Variants in NLRP3 observed in about 807,000 individuals in gnomAD.
NLRP3 encodes the protein NACHT, LRR and PYD domains-containing protein 3.
NLRP3 carries 48 observed loss-of-function variants against 91.3 expected under a neutral mutation model. That is an observed-to-expected ratio of 0.53 (90% CI 0.42 to 0.67). The LOEUF (loss-of-function observed/expected upper bound fraction) is 0.67, where lower values mean the gene tolerates loss of function less well. Ranked by LOEUF, NLRP3 falls within the 30% of genes least tolerant of loss-of-function variation. The pLI is 0.00. For missense variants in NLRP3, 982 were observed against 1,276.9 expected, an observed-to-expected ratio of 0.77 and a Z score of 3.52; for synonymous variants, 561 against 507.9, an observed-to-expected ratio of 1.10 and a Z score of -1.41.
rs529074775 is a variant in NLRP3, at chr1:247,429,040, G to A, written c.2151-545G>A. Among the ~76,000 whole-genome samples, 8 of 151,950 alleles carry A rather than the reference G, an allele frequency of 5.3e-5. No individual in the cohort carries two copies. In the South Asian group the frequency reaches 1.7e-3, roughly 32 times the overall value. On this transcript the variant is annotated intron_variant, in intron 4 of 9. Coordinates refer to ENST00000336119, the MANE Select transcript of NLRP3 (RefSeq NM_001243133.2). ...CCCTAATAGCTGGGATGACAGGCTCGTGCCACCACACCCAATTAATTTTTG... is the reference window on the plus strand; with the variant it reads ...CCCTAATAGCTGGGATGACAGGCTCATGCCACCACACCCAATTAATTTTTG...
At chr1:247,436,752 T>A (rs1663816784) in intron 7 of NLRP3, among the ~76,000 whole-genome samples, 1 of 152,226 alleles carries the variant, frequency 6.6e-6, no homozygotes, top group Non-Finnish European at 1.5e-5. Flanking sequence ...CTGATTTCCT[T>A]GTTTTTTTTG....
Position 247,424,558 on chromosome 1 carries a change from G to C in NLRP3, c.1109G>C (p.Gly370Ala), listed in dbSNP as rs1473588642. ...LDHPRHVEIL[G>A]FSEAKRKEYF... Reference sequence around the variant, plus strand: ...CATCCTCGGCATGTGGAGATCCTGGGTTTCTCCGAGGCCAAAAGGAAAGAG... The same window carrying C: ...CATCCTCGGCATGTGGAGATCCTGGCTTTCTCCGAGGCCAAAAGGAAAGAG... Residue 370 changes from glycine to alanine, a missense_variant, in exon 4 of 10, where the codon GGT becomes GCT. Gly to Ala is a moderately conservative substitution (Grantham distance 60). This residue lies in a region of NLRP3 where 548 missense variants were observed against 713.7 expected (regional missense o/e 0.77). Coordinates refer to ENST00000336119, the MANE Select transcript of NLRP3 (RefSeq NM_001243133.2). This position sits in a 1 kb window ranked among gnomAD's most constrained non-coding sequence, Gnocchi z 8.1. 1 of 1,614,012 alleles carries C rather than the reference G, an allele frequency of 6.2e-7. No homozygotes were observed. The highest frequency in any genetic ancestry group is 8.5e-7 in the Non-Finnish European group (1 of 1,180,034).
chr1:247,423,753 G>T (rs1216292081), intron 3 of NLRP3, 94 bp from the exon 4 acceptor site: 2 of 1,126,354 alleles, frequency 1.8e-6, no homozygotes, highest in East Asian at 5.0e-5. Flanking sequence ...CTCCATTCCG[G>T]TTACCACTCG....
chr1:247,443,983 C>G lies in NLRP3; in HGVS notation c.2675C>G (p.Ser892Cys). ...CNLQKLGLVN[S>C]GLTSVCCSAL... ...CTGTCCTTCTACAGGTTGGTGAATT[C>G]TGGCCTTACGTCAGTCTGTTGTTCA... The change falls in exon 8 of 10, where the codon TCT (serine) becomes TGT (cysteine). Residue 892 changes from serine to cysteine, a missense_variant. By Grantham distance (112) the Ser-to-Cys change is moderately radical. This residue lies in a region of NLRP3 where 373 missense variants were observed against 431.5 expected (regional missense o/e 0.86). Coordinates refer to ENST00000336119, the MANE Select transcript of NLRP3 (RefSeq NM_001243133.2). The G allele has an allele frequency of 6.2e-7, 1 of 1,614,084 alleles. No individual in the cohort carries two copies. Among genetic ancestry groups the G allele is most frequent in the Non-Finnish European group, 8.5e-7 (1 of 1,179,992 alleles).
intron 7 of NLRP3, among the ~76,000 whole-genome samples, chr1:247,437,005 T>C (rs1424750522): frequency 1.3e-5 from 2 of 152,192 alleles, no homozygotes; most frequent in Non-Finnish European, 2.9e-5. Flanking sequence ...CATAACTTTG[T>C]CCAAGGACAC....
At chr1:247,431,987 C>CT (rs1216063458) in intron 5 of NLRP3, among the ~76,000 whole-genome samples, 4 of 152,166 alleles carry the variant, frequency 2.6e-5, no homozygotes, top group Admixed American at 1.3e-4. Context: ...CAACATCCAC[C>CT]TCCTGGGTTC....
In NLRP3 at chr1:247,418,844, T is replaced by A; in HGVS notation, c.44T>A (p.Leu15Gln). The A allele has an allele frequency of 6.2e-7, 1 of 1,614,120 alleles. No individual in the cohort carries two copies. The highest frequency in any genetic ancestry group is 8.5e-7 in the Non-Finnish European group (1 of 1,180,026). The change falls in exon 2 of 10, where the codon CTG (leucine) becomes CAG (glutamine). Residue 15 changes from leucine to glutamine, a missense_variant. By Grantham distance (113) the Leu-to-Gln change is moderately radical (BLOSUM62 -2). This residue lies in a region of NLRP3 where 548 missense variants were observed against 713.7 expected (regional missense o/e 0.77). Transcript: ENST00000336119. The part of the protein sequence containing the change: ...RCKLARYLED[L>Q]EDVDLKKFKM... ...AAGCTGGCCAGGTACCTGGAGGACC[T>A]GGAGGATGTGGACTTGAAGAAATTT... is the stretch of plus-strand genomic sequence containing the variant.
chr1:247,430,119 G>T (rs1192994669), intron 5 of NLRP3, among the ~76,000 whole-genome samples: 1 of 151,994 alleles, frequency 6.6e-6, no homozygotes, highest in Non-Finnish European at 1.5e-5. Context: ...CAGGTGATCC[G>T]CCCGCCTCGG....
chr1:247,447,039 C>T (rs1572235855), intron 9 of NLRP3, among the ~76,000 whole-genome samples: 5 of 152,250 alleles, frequency 3.3e-5, no homozygotes, highest in Admixed American at 3.3e-4. Context: ...CATTCTGGAC[C>T]CAGGCTGAGG....
At chr1:247,446,504 C>T (rs187451096) in intron 9 of NLRP3, among the ~76,000 whole-genome samples, 1 of 152,308 alleles carries the variant, frequency 6.6e-6, no homozygotes, top group East Asian at 1.9e-4. Flanking sequence ...ACAGTGATCT[C>T]CTTGCTGTTT....
At chr1:247,433,236 G>GAAAAAT (rs1231165054) in intron 5 of NLRP3, among the ~76,000 whole-genome samples, 1 of 151,964 alleles carries the variant, frequency 6.6e-6, no homozygotes, top group Non-Finnish European at 1.5e-5. Context: ...AAAAGAAAAA[G>GAAAAAT]AATCAGAGCT....
chr1:247,435,643 G>A (rs77479958), intron 6 of NLRP3, among the ~76,000 whole-genome samples: 2 of 152,306 alleles, frequency 1.3e-5, no homozygotes, highest in African/African-American at 2.4e-5. Context: ...TGGTGGTGGT[G>A]ATGGTTGCAC....
At chr1:247,429,216 C>T (rs751687853) in intron 4 of NLRP3, among the ~76,000 whole-genome samples, 6 of 152,126 alleles carry the variant, frequency 3.9e-5, no homozygotes, top group Non-Finnish European at 7.4e-5. Context: ...TTTGTGAGCA[C>T]TCCTGATGCT....
rs115743837 is a variant in NLRP3 at position 247,445,499 on chromosome 1, G to T, written c.3005+678G>T. ...ACAGGTGTGAGCCTCCGTGCCTGGC[G>T]GTTTCTGAGGATTTCTAAATGGGAA... On this transcript the variant is annotated intron_variant, in intron 9 of 9. Transcript: ENST00000336119. Among the ~76,000 whole-genome samples, 305 of 152,160 alleles carry T rather than the reference G, an allele frequency of 2.0e-3. 1 individual carries two copies. The highest frequency in any genetic ancestry group is 7.1e-3 in the African/African-American group (293 of 41,512).
chr1:247,429,634 G>A lies in NLRP3; in HGVS notation c.2200G>A (p.Val734Ile). Residue 734 changes from valine to isoleucine, a missense_variant, in exon 5 of 10, where the codon GTT becomes ATT. Around this residue, in one of 5 missense-constraint regions of NLRP3, gnomAD observed 373 missense variants for 431.5 expected, o/e 0.86. Transcript: ENST00000336119. ...TSSFCRGLFS[V>I]LSTSQSLTEL... ...CAGTTTTTGCCGGGGCCTCTTTTCA[G>A]TTCTGAGCACCAGCCAGAGTCTAAC... is the stretch of plus-strand genomic sequence containing the variant. The A allele has an allele frequency of 6.2e-7, 1 of 1,614,180 alleles. No homozygotes were observed. Among genetic ancestry groups the A allele is most frequent in the South Asian group, 1.1e-5 (1 of 91,086 alleles).
chr1:247,419,060 G>C lies in NLRP3; in HGVS notation c.260G>C (p.Arg87Thr). 6.2e-7 allele frequency: 1 copy of C among 1,611,564 alleles called. No homozygotes were observed. Among genetic ancestry groups the C allele is most frequent in the Non-Finnish European group, 8.5e-7 (1 of 1,179,980 alleles). The change falls in exon 2 of 10, where the codon AGA (arginine) becomes ACA (threonine). Residue 87 changes from arginine (R) to threonine (T), a missense_variant. Around this residue, in one of 5 missense-constraint regions of NLRP3, gnomAD observed 548 missense variants for 713.7 expected, o/e 0.77. Coordinates refer to ENST00000336119, the MANE Select transcript of NLRP3 (RefSeq NM_001243133.2). ...AGAGACCTTTATGAGAAAGCAAAAA[G>C]AGATGAGCCGAAGTGGGGTGAGTGG... Reference protein sequence around the residue: ...NRRDLYEKAKRDEPKWGSDNA... With the variant: ...NRRDLYEKAKTDEPKWGSDNA...
intron 1 of NLRP3, among the ~76,000 whole-genome samples, chr1:247,416,613 TGGGGC>T: frequency 6.6e-6 from 1 of 151,856 alleles, no homozygotes. Flanking sequence ...GAAGGACTGA[TGGGGC>T]AGGAGCTGGG....
intron 5 of NLRP3, among the ~76,000 whole-genome samples, 171 bp from the exon 6 acceptor site, chr1:247,433,932 G>A (rs78052365): frequency 0.012 from 1,388 of 115,178 alleles, 11 homozygotes; most frequent in Non-Finnish European, 0.016. Flanking sequence ...GAGCTCTCTG[G>A]TCAGGTGTGT....
At position 247,444,086 on chromosome 1, in the gene NLRP3, G is replaced by A. The variant is rs1201650200; in HGVS notation, c.2778G>A (p.Gly926=). ...YLRGNTLGDK[G]IKLLCEGLLH... ...GAGGCAACACTCTCGGAGACAAGGG[G>A]ATCAAACTACTCTGTGAGGGACTCT... The change falls in exon 8 of 10, where the codon GGG becomes GGA. Residue 926 remains glycine, a synonymous_variant. Transcript: ENST00000336119. 1 of 1,614,184 alleles carries A rather than the reference G, an allele frequency of 6.2e-7. No homozygotes were observed. Among genetic ancestry groups the A allele is most frequent in the South Asian group, 1.1e-5 (1 of 91,076 alleles).
Sources: gnomAD v4.1 joint callset for allele counts (sites outside exome capture counted in the v4.1 genomes callset) on GRCh38, gnomAD v4.1.1 for gene constraint, gnomAD v4.1.1 regional missense constraint, Gnocchi (gnomAD v3.1) non-coding constraint, MANE v1.5 for transcripts, NCBI Gene and HGNC (gene_info 2026-07-23, HGNC 2026-07-21) for gene names.